HS1BP3: variants seen among roughly 807,000 people sequenced by gnomAD.
The protein encoded by HS1BP3 is HCLS1 binding protein 3.
HS1BP3 carries 32 observed loss-of-function variants against 33.5 expected under a neutral mutation model. That is an observed-to-expected ratio of 0.95 (90% confidence interval 0.72 to 1.28). HS1BP3 has a LOEUF of 1.28. Ranked by LOEUF, HS1BP3 falls within the 50% of genes most tolerant of loss-of-function variation. HS1BP3 has a pLI of 0.00. For synonymous variants in HS1BP3, 187 were observed against 209.2 expected (o/e 0.89, Z 0.92); for missense variants, 486 against 502.3 (o/e 0.97, Z 0.31).
At chr2:20,556,520 G>C (rs763843791), downstream of HS1BP3, among the ~76,000 whole-genome samples, 2 of 152,110 alleles carry the variant, frequency 1.3e-5, no homozygotes, top group Non-Finnish European at 2.9e-5. Context: ...CAAGGTTACC[G>C]CATTTCTAAG....
chr2:20,577,616 T>C (rs1378426739), intron 5 of HS1BP3, among the ~76,000 whole-genome samples: 2 of 152,052 alleles, frequency 1.3e-5, no homozygotes, highest in Non-Finnish European at 2.9e-5. Context: ...AGCACCGCCA[T>C]CTGGGAGCGT....
At chr2:20,613,762 G>A (rs1034671483), downstream of HS1BP3, among the ~76,000 whole-genome samples, 2 of 152,204 alleles carry the variant, frequency 1.3e-5, no homozygotes, top group African/African-American at 2.4e-5. Context: ...GAGTGAAACC[G>A]ACATGGCACT....
At chr2:20,580,698 A>G (rs1318203810) in intron 5 of HS1BP3, among the ~76,000 whole-genome samples, 1 of 152,152 alleles carries the variant, frequency 6.6e-6, no homozygotes, top group African/African-American at 2.4e-5. Context: ...TAAAACAGTG[A>G]GATTCTCCTT....
chr2:20,614,577 A>G (rs1694380412), downstream of HS1BP3, among the ~76,000 whole-genome samples: 1 of 152,202 alleles, frequency 6.6e-6, no homozygotes, highest in Non-Finnish European at 1.5e-5. Context: ...GCTTCCTCCA[A>G]CTTGCCTGGA....
chr2:20,595,570 C>T (rs577702184), intron 3 of HS1BP3, among the ~76,000 whole-genome samples: 1 of 152,202 alleles, frequency 6.6e-6, no homozygotes, highest in Non-Finnish European at 1.5e-5. Flanking sequence ...GGCCACAGCC[C>T]GTGCCTGCCT....
intron 5 of HS1BP3, among the ~76,000 whole-genome samples, chr2:20,561,379 G>A (rs528525974): frequency 2.2e-4 from 33 of 152,322 alleles, no homozygotes; most frequent in African/African-American, 7.5e-4. Context: ...CAGAACAAAT[G>A]GGTTAATAGA....
At chr2:20,558,769 G>C (rs918001963), downstream of HS1BP3, among the ~76,000 whole-genome samples, 39 of 152,280 alleles carry the variant, frequency 2.6e-4, no homozygotes, top group African/African-American at 8.7e-4. Context: ...CAGGGCCCCA[G>C]AGACAGACTC....
downstream of HS1BP3, among the ~76,000 whole-genome samples, chr2:20,591,660 C>T (rs1365230688): frequency 6.6e-6 from 1 of 152,206 alleles, no homozygotes; most frequent in Non-Finnish European, 1.5e-5. Flanking sequence ...CAACCTCTGC[C>T]TCCTGTGTTC....
intron 1 of HS1BP3, among the ~76,000 whole-genome samples, chr2:20,646,706 C>T (rs114834691): frequency 0.019 from 2,940 of 152,354 alleles, 54 homozygotes; most frequent in South Asian, 0.048. Context: ...CCAACGGCAC[C>T]GAGTTCACGC....
At chr2:20,577,803 C>T (rs1283237997) in intron 5 of HS1BP3, among the ~76,000 whole-genome samples, 1 of 152,234 alleles carries the variant, frequency 6.6e-6, no homozygotes, top group African/African-American at 2.4e-5. Flanking sequence ...ATTGTCTAAG[C>T]TACACTCCCC....
rs925424998 is a variant in HS1BP3 at position 20,611,309 on chromosome 2, G to A, written c.178+12587C>T. Among the ~76,000 whole-genome samples the A allele has an allele frequency of 4.6e-5, 7 of 152,182 alleles. No individual in the cohort carries two copies. Among genetic ancestry groups the A allele is most frequent in the African/African-American group, 7.2e-5 (3 of 41,446 alleles). On this transcript the variant is annotated intron_variant, in intron 2 of 3. Coordinates refer to the HS1BP3 transcript ENST00000415264. This position sits in a 1 kb window ranked among gnomAD's most constrained non-coding sequence, Gnocchi z 4.9. Reference sequence around the variant, plus strand: ...TGTGTGTGGCTTCTTTTCGAAGGAAGGGGGAACGCTGGCTCACTCCCTCCC... The same window carrying A: ...TGTGTGTGGCTTCTTTTCGAAGGAAAGGGGAACGCTGGCTCACTCCCTCCC...
Position 20,618,821 on chromosome 2 carries a change from A to G in HS1BP3, c.*166T>C. On this transcript the variant is annotated 3_prime_UTR_variant, in exon 7 of 7. Coordinates refer to ENST00000304031, the MANE Select transcript of HS1BP3 (RefSeq NM_022460.4). The stretch of plus-strand genomic sequence containing the variant: ...CCGCAGGCTTCTACTTTGGCCCCAC[A>G]GCCCCGGAGAAAATGGAACCATGCA... 7.1e-7 allele frequency: 1 copy of G among 1,417,722 alleles called. No individual in the cohort carries two copies. Among genetic ancestry groups the G allele is most frequent in the Non-Finnish European group, 9.2e-7 (1 of 1,090,614 alleles). The allele number at this position is 1,417,722 out of a possible 1,614,324, so 87.8% of individuals were successfully genotyped here. A position where few individuals can be genotyped will look rare whatever the true frequency, so the allele number is the denominator to read the frequency against.
chr2:20,647,107 G>A (rs1244133604), intron 1 of HS1BP3, among the ~76,000 whole-genome samples: 1 of 152,164 alleles, frequency 6.6e-6, no homozygotes, highest in Non-Finnish European at 1.5e-5. Flanking sequence ...TGAGCTGCGG[G>A]GAGGTCCTCT....
At chr2:20,574,523 A>C (rs1363030602) in intron 5 of HS1BP3, among the ~76,000 whole-genome samples, 2 of 152,074 alleles carry the variant, frequency 1.3e-5, no homozygotes, top group Admixed American at 1.3e-4. Flanking sequence ...CTGGGAGAGG[A>C]AGACCTGGGG....
At chr2:20,571,025 T>C (rs1272126835) in intron 5 of HS1BP3, among the ~76,000 whole-genome samples, 1 of 152,152 alleles carries the variant, frequency 6.6e-6, no homozygotes, top group Non-Finnish European at 1.5e-5. Context: ...GGAAGACCTA[T>C]GACAGGGCAG....
At chr2:20,617,626 A>C (rs971505215), downstream of HS1BP3, among the ~76,000 whole-genome samples, 2 of 137,674 alleles carry the variant, frequency 1.5e-5, no homozygotes, top group East Asian at 4.1e-4. Flanking sequence ...GGGCTCCCTC[A>C]GGGCTGGCTT....
At chr2:20,590,317 G>A (rs1693781511), downstream of HS1BP3, among the ~76,000 whole-genome samples, 1 of 152,082 alleles carries the variant, frequency 6.6e-6, no homozygotes, top group East Asian at 1.9e-4. Context: ...AGCCTTCCAG[G>A]GTCTCAGGAG....
intron 5 of HS1BP3, among the ~76,000 whole-genome samples, chr2:20,563,315 G>A (rs1693047944): frequency 1.3e-5 from 2 of 152,250 alleles, no homozygotes; most frequent in Admixed American, 1.3e-4. Context: ...AGAGAGGGAA[G>A]GGCCACAGGC....
At chr2:20,638,297 C>T in intron 4 of HS1BP3, 139 bp downstream of exon 4, 2 of 754,314 alleles carry the variant, frequency 2.7e-6, no homozygotes, top group Non-Finnish European at 4.3e-6. Flanking sequence ...CACACCAGGC[C>T]AAGGCCTCGT....
Sources: gnomAD v4.1 joint callset for allele counts (sites outside exome capture counted in the v4.1 genomes callset) on GRCh38, gnomAD v4.1.1 for gene constraint, Gnocchi (gnomAD v3.1) non-coding constraint, MANE v1.5 for transcripts, NCBI Gene and HGNC (gene_info 2026-07-23, HGNC 2026-07-21) for gene names.